FANCI: variants seen among roughly 807,000 people sequenced by gnomAD.
FANCI encodes the protein FA complementation group I.
In FANCI, 156 loss-of-function variants were observed where a neutral mutation model predicts 176.1. The observed-to-expected ratio is 0.89, with a 90% CI of 0.78 to 1.01. FANCI has a LOEUF of 1.01. Among genes scored for constraint, FANCI ranks in the 50% least tolerant of loss-of-function variants. The pLI is 0.00. For synonymous variants in FANCI, 613 were observed against 541.7 expected, an observed-to-expected ratio of 1.13 and a Z score of -1.83; for missense variants, 1,678 against 1,534.1, an observed-to-expected ratio of 1.09 and a Z score of -1.57.
Position 89,255,324 on chromosome 15 carries a change from T to A in FANCI, c.85-3380T>A, listed in dbSNP as rs557852464. 7.9e-5 allele frequency among the ~76,000 whole-genome samples: 12 copies of A among 152,290 alleles called. 1 individual carries two copies. The South Asian group carries it at 2.5e-3, about 32-fold the overall frequency. ...AATCACTGAGCTCTTGATGTCAGTG[T>A]TATTCCTGGTGATACTGACTTTGAT... is the stretch of plus-strand genomic sequence containing the variant. On this transcript the variant is annotated intron_variant, in intron 2 of 37. Transcript: ENST00000310775.
chr15:89,286,405 A>G (rs1475964669), intron 18 of FANCI, among the ~76,000 whole-genome samples: 9 of 152,228 alleles, frequency 5.9e-5, no homozygotes, highest in Non-Finnish European at 1.3e-4. Flanking sequence ...TAAGAGAAAT[A>G]CAACTACTGA....
intron 12 of FANCI, 99 bp downstream of exon 12, chr15:89,274,403 A>C (rs1436720389): frequency 9.7e-6 from 13 of 1,343,946 alleles, no homozygotes; most frequent in Admixed American, 1.8e-5. Context: ...GAAACTGATG[A>C]CTTAACAGCT....
At chr15:89,300,205 A>T in intron 25 of FANCI, 95 bp from the exon 26 acceptor site, 1 of 1,266,458 alleles carries the variant, frequency 7.9e-7, no homozygotes, top group Non-Finnish European at 1.1e-6. Context: ...GTCTGCCTTT[A>T]GACTTTTTTT....
At position 89,293,813 on chromosome 15, in the gene FANCI, C is replaced by G. The variant is rs1039604637; in HGVS notation, c.2292-20C>G. 1.2e-6 allele frequency: 2 copies of G among 1,611,882 alleles called. No homozygotes were observed. Among genetic ancestry groups the G allele is most frequent in the African/African-American group, 1.3e-5 (1 of 74,944 alleles). Reference sequence around the variant, plus strand: ...TATTCTGATGTTTGTCCTTAGCGGTCTCTTTTTTGTTTTTTACAGTAAGAA... The same window carrying G: ...TATTCTGATGTTTGTCCTTAGCGGTGTCTTTTTTGTTTTTTACAGTAAGAA... On this transcript the variant is annotated intron_variant, in intron 22 of 37. Coordinates refer to ENST00000310775, the MANE Select transcript of FANCI (RefSeq NM_001113378.2).
Position 89,264,577 on chromosome 15 carries a change from A to G in FANCI, c.725A>G (p.Lys242Arg), listed in dbSNP as rs779306830. ...GIIAFFSALD[K>R]QHNEEQSGDE... Reference sequence around the variant, plus strand: ...ATAGCCTTCTTCAGTGCACTAGATAAGCAGCACAATGAGGAACAGAGTGGT... The same window carrying G: ...ATAGCCTTCTTCAGTGCACTAGATAGGCAGCACAATGAGGAACAGAGTGGT... The change falls in exon 9 of 38, where the codon AAG becomes AGG. Residue 242 changes from lysine to arginine, a missense_variant. Lys to Arg is a conservative substitution (Grantham distance 26). This residue lies in a region of FANCI where 469 missense variants were observed against 436.9 expected (regional missense o/e 1.07). Transcript: ENST00000310775. 2 of 1,613,894 alleles carry G rather than the reference A, an allele frequency of 1.2e-6. No individual in the cohort carries two copies. The highest frequency in any genetic ancestry group is 1.7e-5 in the Admixed American group (1 of 60,014).
intron 30 of FANCI, 43 bp downstream of exon 30, chr15:89,305,452 T>C (rs2054681361): frequency 6.2e-7 from 1 of 1,612,712 alleles, no homozygotes; most frequent in Non-Finnish European, 8.5e-7. Flanking sequence ...TTTGTCATTC[T>C]TTCCATTCTA....
At chr15:89,307,923 C>G in intron 34 of FANCI, 1 of 1,367,160 alleles carries the variant, frequency 7.3e-7, no homozygotes, top group African/African-American at 1.5e-5. Flanking sequence ...AAGGAAGGAA[C>G]AAGCATGCTC....
chr15:89,276,189 T>G (rs184717040), intron 12 of FANCI, among the ~76,000 whole-genome samples: 28 of 152,338 alleles, frequency 1.8e-4, no homozygotes, highest in African/African-American at 6.7e-4. Flanking sequence ...TACAAAAGAT[T>G]ATTTGTAGTT....
chr15:89,274,324 C>T lies in FANCI; in HGVS notation c.1112+20C>T. 1 of 1,612,480 alleles carries T rather than the reference C, an allele frequency of 6.2e-7. No individual in the cohort carries two copies. Among genetic ancestry groups the T allele is most frequent in the Non-Finnish European group, 8.5e-7 (1 of 1,179,252 alleles). On this transcript the variant is annotated intron_variant, in intron 12 of 37. Transcript: ENST00000310775. Reference sequence around the variant, plus strand: ...GAATAGGTAAGTTGGTGAACCATATCTCAAAAGGTTTATAAGGTGTTTAAT... The same window carrying T: ...GAATAGGTAAGTTGGTGAACCATATTTCAAAAGGTTTATAAGGTGTTTAAT...
At chr15:89,279,801 A>G (rs1225027591) in intron 14 of FANCI, among the ~76,000 whole-genome samples, 2 of 152,004 alleles carry the variant, frequency 1.3e-5, no homozygotes, top group Non-Finnish European at 2.9e-5. Context: ...CATTGTTTCT[A>G]TCTTTTTATT....
At chr15:89,299,104 G>A (rs1376768553) in intron 24 of FANCI, among the ~76,000 whole-genome samples, 1 of 151,320 alleles carries the variant, frequency 6.6e-6, no homozygotes. Flanking sequence ...AATCTGGGAG[G>A]TGTGAGTTTG....
At chr15:89,282,769 AAG>A (rs1307405499) in intron 16 of FANCI, 2 of 325,374 alleles carry the variant, frequency 6.1e-6, no homozygotes, top group African/African-American at 2.1e-5. Flanking sequence ...CCTATGATGA[AAG>A]AGAGCATATG....
chr15:89,278,715 T>G lies in FANCI; in HGVS notation c.1322T>G (p.Leu441Trp), dbSNP rs753273643. Residue 441 changes from leucine to tryptophan, a missense_variant, in exon 14 of 38, where the codon TTG becomes TGG. Leu to Trp is a moderately conservative substitution (Grantham distance 61, BLOSUM62 -2). Around this residue, in one of 3 missense-constraint regions of FANCI, gnomAD observed 1,204 missense variants for 1,077.4 expected, o/e 1.12. Transcript: ENST00000310775. ...CATGAGATGATCAGACAAGAAATTT[T>G]GGAGCAGGTCCTCAACAGGGTTGTT... ...KIHEMIRQEI[L>W]EQVLNRVVTR... 4 of 1,613,880 alleles carry G rather than the reference T, an allele frequency of 2.5e-6. No individual in the cohort carries two copies. In the African/African-American group the frequency reaches 5.3e-5, roughly 22 times the overall value.
rs756817986 is a variant in FANCI, at chr15:89,274,251, A to G, written c.1059A>G (p.Leu353=). 6.2e-7 allele frequency: 1 copy of G among 1,612,780 alleles called. No homozygotes were observed. Residue 353 remains leucine, a synonymous_variant, in exon 12 of 38, where the codon CTA becomes CTG. Transcript: ENST00000310775. ...AAGGCTCAAAATTTCTTCAGAATCT[A>G]GTTCCTCATAGATCTTATGTTTCAA... is the stretch of plus-strand genomic sequence containing the variant. ...LLQGSKFLQN[L]VPHRSYVSTM... is the part of the protein sequence containing the mutation.
Position 89,293,995 on chromosome 15 carries a change from C to A in FANCI, c.2454C>A (p.Phe818Leu), listed in dbSNP as rs747796401. ...KFVSSLLTALFRDSIQSHQES... is the reference protein window; with the variant it reads ...KFVSSLLTALLRDSIQSHQES... ...TGTCCAGTCTTCTCACTGCTCTTTT[C>A]AGGTAAGGTTCTGCTAGAGTGCTTA... is the stretch of plus-strand genomic sequence containing the variant. The change falls in exon 23 of 38, where the codon TTC becomes TTA. Residue 818 changes from phenylalanine to leucine, a missense_variant and splice_region_variant. Around this residue, in one of 3 missense-constraint regions of FANCI, gnomAD observed 1,204 missense variants for 1,077.4 expected, o/e 1.12. Coordinates refer to ENST00000310775, the MANE Select transcript of FANCI (RefSeq NM_001113378.2). The A allele has an allele frequency of 6.2e-7, 1 of 1,613,992 alleles. No homozygotes were observed. Among genetic ancestry groups the A allele is most frequent in the South Asian group, 1.1e-5 (1 of 91,082 alleles).
chr15:89,249,600 A>G (rs1477743922), intron 2 of FANCI, among the ~76,000 whole-genome samples: 1 of 152,178 alleles, frequency 6.6e-6, no homozygotes, highest in Non-Finnish European at 1.5e-5. Flanking sequence ...CACCCACCTC[A>G]GCCTCCCACA....
rs2151436860 is a variant in FANCI, at chr15:89,273,295, C to T, written c.883-82C>T. The T allele has an allele frequency of 4.0e-6, 3 of 750,218 alleles. No homozygotes were observed. In the South Asian group the frequency reaches 4.7e-5, roughly 12 times the overall value. The allele number at this position is 750,218 out of a possible 1,614,324, so 46.5% of individuals were successfully genotyped here. On this transcript the variant is annotated intron_variant, in intron 10 of 37. Coordinates refer to ENST00000310775, the MANE Select transcript of FANCI (RefSeq NM_001113378.2). ...CTCTAGCCTGGGCAACAGAGAGACCCAATCTTTTTTTTTTTAAAAAAAAAA... is the reference window on the plus strand; with the variant it reads ...CTCTAGCCTGGGCAACAGAGAGACCTAATCTTTTTTTTTTTAAAAAAAAAA...
At position 89,294,978 on chromosome 15, in the gene FANCI, C is replaced by G. The variant is rs1210098933; in HGVS notation, c.2520C>G (p.Arg840=). ...SVLRSSNEFM[R]YAVNVALQKV... The stretch of plus-strand genomic sequence containing the variant: ...TCAGGTCCAGCAATGAGTTTATGCG[C>G]TATGCAGTGAATGTAGCTCTGCAGA... Residue 840 remains arginine (R), a synonymous_variant, in exon 24 of 38, where the codon CGC becomes CGG. Coordinates refer to ENST00000310775, the MANE Select transcript of FANCI (RefSeq NM_001113378.2). 1.3e-6 allele frequency: 2 copies of G among 1,552,294 alleles called. No homozygotes were observed.
At position 89,302,577 on chromosome 15, in the gene FANCI, A is replaced by AT. The variant is rs540544302; in HGVS notation, c.3006+1149dup. Among the ~76,000 whole-genome samples, 1,105 of 144,894 alleles carry AT rather than the reference A, an allele frequency of 7.6e-3. 6 individuals are homozygous for AT. Among genetic ancestry groups the AT allele is most frequent in the African/African-American group, 0.021 (829 of 39,622 alleles). On this transcript the variant is annotated intron_variant, in intron 27 of 37. Coordinates refer to ENST00000310775, the MANE Select transcript of FANCI (RefSeq NM_001113378.2). ...CTTCAGGTAGTCTCTTTAAAAAAAAATTTTTTTTTTTTTTGAGACAGAGTC... is the reference window on the plus strand; with the variant it reads ...CTTCAGGTAGTCTCTTTAAAAAAAAATTTTTTTTTTTTTTTGAGACAGAGTC...
Sources: gnomAD v4.1 joint callset for allele counts (sites outside exome capture counted in the v4.1 genomes callset) on GRCh38, gnomAD v4.1.1 for gene constraint, gnomAD v4.1.1 regional missense constraint, MANE v1.5 for transcripts, NCBI Gene and HGNC (gene_info 2026-07-23, HGNC 2026-07-21) for gene names.